TLK2: variants seen among roughly 807,000 people sequenced by gnomAD.
TLK2 encodes tousled like kinase 2.
A neutral mutation model predicts 117.3 loss-of-function variants in TLK2; 6 were observed. The ratio of observed to expected loss-of-function variants is 0.05; its 90% confidence interval spans 0.03 to 0.10. The LOEUF (loss-of-function observed/expected upper bound fraction) is 0.10. Ranked by LOEUF, TLK2 falls within the 10% of genes least tolerant of loss-of-function variation. TLK2 has a pLI of 1.00. For missense variants in TLK2, 299 were observed against 901.2 expected (o/e 0.33, Z 8.56); for synonymous variants, 257 against 316.7 (o/e 0.81, Z 2.00).
chr17:62,598,341 C>T (rs529747789), intron 17 of TLK2, among the ~76,000 whole-genome samples: 1 of 152,282 alleles, frequency 6.6e-6, no homozygotes, highest in African/African-American at 2.4e-5. Context: ...ACACTTTTAA[C>T]TAATGTGAGA....
upstream of TLK2, among the ~76,000 whole-genome samples, chr17:62,475,000 T>C (rs2071010681): frequency 6.6e-6 from 1 of 152,142 alleles, no homozygotes; most frequent in African/African-American, 2.4e-5. Flanking sequence ...GAGCAGAGAT[T>C]GTGCCATTGC....
intron 12 of TLK2, chr17:62,574,489 C>A (rs889824120): frequency 5.3e-6 from 4 of 747,984 alleles, no homozygotes; most frequent in Non-Finnish European, 8.9e-6. Flanking sequence ...TGGAAAACAT[C>A]TTCATTCATA....
intron 6 of TLK2, among the ~76,000 whole-genome samples, chr17:62,533,503 G>T (rs2076900371): frequency 1.3e-5 from 2 of 149,698 alleles, no homozygotes; most frequent in Non-Finnish European, 3.0e-5. Flanking sequence ...TTGAGACAGG[G>T]TCTTGCTGTG....
intron 16 of TLK2, among the ~76,000 whole-genome samples, chr17:62,591,108 G>A (rs1283350249): frequency 1.3e-5 from 2 of 152,086 alleles, no homozygotes; most frequent in Non-Finnish European, 2.9e-5. Flanking sequence ...AATTAGCTGG[G>A]CATGGTGGCA....
rs1388062875 is a variant in TLK2, at chr17:62,500,704, T to C, written c.81+19498T>C. ...GGAACATTTACCAAAATAGACCATATGCTGGGCTACAAAACACATTTCAAC... is the reference window on the plus strand; with the variant it reads ...GGAACATTTACCAAAATAGACCATACGCTGGGCTACAAAACACATTTCAAC... On this transcript the variant is annotated intron_variant, in intron 2 of 21. Coordinates refer to ENST00000346027, the MANE Select transcript of TLK2 (RefSeq NM_006852.6). Among the ~76,000 whole-genome samples the C allele has an allele frequency of 2.0e-5, 3 of 152,358 alleles. No individual in the cohort carries two copies. In the East Asian group the frequency reaches 5.8e-4, roughly 29 times the overall value.
chr17:62,522,602 T>C (rs2076119127), intron 4 of TLK2, among the ~76,000 whole-genome samples: 1 of 152,242 alleles, frequency 6.6e-6, no homozygotes, highest in Non-Finnish European at 1.5e-5. Context: ...GATCAGTGAT[T>C]TGTTAATGAC....
rs772170504 is a variant in TLK2, at chr17:62,602,203, A to G, written c.1859+23A>G. 9 of 1,611,202 alleles carry G rather than the reference A, an allele frequency of 5.6e-6. No individual in the cohort carries two copies. The East Asian group carries it at 2.0e-4, about 36-fold the overall frequency. Reference sequence around the variant, plus strand: ...TTGGTAGGTATCCAGGAGCTCTGCCAGGTTGGCTATAGAGATGTGGCTCTG... The same window carrying G: ...TTGGTAGGTATCCAGGAGCTCTGCCGGGTTGGCTATAGAGATGTGGCTCTG... On this transcript the variant is annotated intron_variant, in intron 19 of 21. Transcript: ENST00000346027.
At chr17:62,474,497 C>T (rs1024837042), upstream of TLK2, among the ~76,000 whole-genome samples, 1 of 151,904 alleles carries the variant, frequency 6.6e-6, no homozygotes, top group African/African-American at 2.4e-5. Context: ...GCAAGCTCCA[C>T]CTCCTGGGTT....
chr17:62,485,144 TC>T (rs2072190034), intron 2 of TLK2, among the ~76,000 whole-genome samples: 1 of 152,194 alleles, frequency 6.6e-6, no homozygotes, highest in Non-Finnish European at 1.5e-5. Flanking sequence ...CAGAGTGACT[TC>T]CCTGTGATGG....
intron 16 of TLK2, among the ~76,000 whole-genome samples, chr17:62,590,642 A>G (rs554937462): frequency 2.0e-5 from 3 of 152,234 alleles, no homozygotes; most frequent in Admixed American, 1.3e-4. Context: ...AGGGCACATG[A>G]GATCATATTA....
chr17:62,589,952 G>A (rs1005137754), intron 16 of TLK2, among the ~76,000 whole-genome samples: 1 of 151,416 alleles, frequency 6.6e-6, no homozygotes, highest in African/African-American at 2.4e-5. Flanking sequence ...GACTACATGT[G>A]CCTGCCACCA....
At chr17:62,489,729 CATT>C (rs1425893929) in intron 2 of TLK2, among the ~76,000 whole-genome samples, 3 of 152,190 alleles carry the variant, frequency 2.0e-5, no homozygotes, top group East Asian at 1.9e-4. Context: ...CCTAGTTTCT[CATT>C]ATTCACATTT....
At chr17:62,542,644 GC>G (rs1191316679) in intron 7 of TLK2, among the ~76,000 whole-genome samples, 1 of 152,128 alleles carries the variant, frequency 6.6e-6, no homozygotes, top group Admixed American at 6.6e-5. Context: ...GTTTGGCATT[GC>G]AAAACCAAAT....
At chr17:62,495,804 G>T (rs1283056865) in intron 2 of TLK2, among the ~76,000 whole-genome samples, 1 of 151,392 alleles carries the variant, frequency 6.6e-6, no homozygotes, top group East Asian at 1.9e-4. Context: ...GATTATGGGC[G>T]CATGCTGCCG....
intron 6 of TLK2, among the ~76,000 whole-genome samples, chr17:62,525,582 C>T (rs1334590131): frequency 5.3e-5 from 8 of 151,804 alleles, no homozygotes; most frequent in African/African-American, 1.7e-4. Context: ...CTGAGTAGCT[C>T]GTAGTACAGG....
At chr17:62,594,828 A>ACC (rs1473661390) in intron 16 of TLK2, among the ~76,000 whole-genome samples, 4 of 133,592 alleles carry the variant, frequency 3.0e-5, no homozygotes, top group African/African-American at 1.1e-4. Flanking sequence ...ACACACACAC[A>ACC]CACCCCATGT....
At chr17:62,505,959 C>T in intron 2 of TLK2, among the ~76,000 whole-genome samples, 1 of 152,208 alleles carries the variant, frequency 6.6e-6, no homozygotes, top group East Asian at 1.9e-4. Context: ...TCCCGAAGTG[C>T]TGGGATTACA....
chr17:62,477,503 T>A (rs956989225), upstream of TLK2: 11 of 152,162 alleles, frequency 7.2e-5, no homozygotes, highest in African/African-American at 2.7e-4. Flanking sequence ...CAGGTCTGTG[T>A]TCTGTTAAAA....
At chr17:62,602,413 A>T (rs1000473585) in intron 19 of TLK2, among the ~76,000 whole-genome samples, 1 of 152,216 alleles carries the variant, frequency 6.6e-6, no homozygotes, top group Admixed American at 6.5e-5. Context: ...AAGAGAGCTT[A>T]TATGTGTCCA....
Sources: allele counts gnomAD v4.1 joint callset (sites outside exome capture counted in the v4.1 genomes callset), GRCh38; gene constraint gnomAD v4.1.1; transcripts MANE v1.5; gene names NCBI Gene and HGNC (gene_info 2026-07-23, HGNC 2026-07-21).